The following CCNY variants were observed in gnomAD, a reference collection of about 807,000 sequenced individuals.
CCNY encodes cyclin-Y.
Under a neutral mutation model 42.8 loss-of-function variants are expected in CCNY, and 19 were observed. The observed-to-expected ratio is 0.44, with a 90% CI of 0.31 to 0.65. CCNY has a LOEUF of 0.65. CCNY is among the 30% of genes least tolerant of loss of function. The pLI, the probability that CCNY is intolerant of heterozygous loss-of-function variation, is 0.07. For synonymous variants in CCNY, 165 were observed against 162.7 expected, an observed-to-expected ratio of 1.01 and a Z score of -0.11; for missense variants, 370 against 437.3, an observed-to-expected ratio of 0.85 and a Z score of 1.37.
chr10:35,558,478 C>T (rs766202229), intron 8 of CCNY, among the ~76,000 whole-genome samples: 3 of 152,172 alleles, frequency 2.0e-5, no homozygotes, highest in African/African-American at 2.4e-5. Context: ...TCCAGAGTCC[C>T]GCTGAGTCCT....
intron 3 of CCNY, chr10:35,320,823 A>G: frequency 6.6e-6 from 1 of 152,324 alleles, no homozygotes; most frequent in South Asian, 2.1e-4. Context: ...GGAAATTTAA[A>G]TAAAATATTT....
At position 35,362,439 on chromosome 10, in the gene CCNY, C is replaced by A. The variant is rs111663591; in HGVS notation, c.154+25232C>A. ...GGCAGTAGGAAAGTCCTCCAGGTGA[C>A]AAAGTACAGGATGTATTTGGGTCTT... On this transcript the variant is annotated intron_variant, in intron 1 of 9. Coordinates refer to ENST00000374704, the MANE Select transcript of CCNY (RefSeq NM_145012.6). 3.6e-3 allele frequency among the ~76,000 whole-genome samples: 547 copies of A among 152,176 alleles called. 4 individuals are homozygous for A. The highest frequency in any genetic ancestry group is 0.012 in the African/African-American group (514 of 41,510).
intron 9 of CCNY, 133 bp downstream of exon 9, chr10:35,566,318 A>G (rs990685512): frequency 4.5e-6 from 4 of 893,472 alleles, no homozygotes; most frequent in Non-Finnish European, 6.7e-6. Context: ...ACTAGGATAT[A>G]TAGCTGGGCA....
At chr10:35,422,664 A>T in intron 1 of CCNY, among the ~76,000 whole-genome samples, 1 of 152,248 alleles carries the variant, frequency 6.6e-6, no homozygotes, top group East Asian at 1.9e-4. Context: ...CCAAGAAGAG[A>T]GGTCTCTTAA....
At chr10:35,490,108 A>G (rs1042846064) in intron 2 of CCNY, among the ~76,000 whole-genome samples, 2 of 152,168 alleles carry the variant, frequency 1.3e-5, no homozygotes, top group African/African-American at 4.8e-5. Context: ...TGCCAGGCCC[A>G]TAGAAAGAAC....
intron 1 of CCNY, among the ~76,000 whole-genome samples, chr10:35,414,611 T>C (rs1382573128): frequency 6.6e-6 from 1 of 152,172 alleles, no homozygotes; most frequent in African/African-American, 2.4e-5. Context: ...GCGGGAATCA[T>C]TGGGTGGGTG....
In CCNY at chr10:35,569,503, G is replaced by A; in HGVS notation, c.*333G>A. ...GCCCGGCCCTCTGGAGTCCCCATGG[G>A]GGCGGTAGCTGAAGTTGGCGAGCGC... On this transcript the variant is annotated 3_prime_UTR_variant, in exon 10 of 10. Transcript: ENST00000374704. 1 of 329,152 alleles carries A rather than the reference G, an allele frequency of 3.0e-6. No individual in the cohort carries two copies. Among genetic ancestry groups the A allele is most frequent in the Non-Finnish European group, 5.8e-6 (1 of 172,892 alleles). The allele number at this position is 329,152 out of a possible 1,614,324, so 20.4% of individuals were successfully genotyped here.
At chr10:35,408,332 T>C (rs1320831729) in intron 1 of CCNY, among the ~76,000 whole-genome samples, 1 of 152,198 alleles carries the variant, frequency 6.6e-6, no homozygotes, top group African/African-American at 2.4e-5. Flanking sequence ...CAAAACAGGC[T>C]TTGTGTGAGC....
chr10:35,538,269 C>A (rs966671128), intron 7 of CCNY, among the ~76,000 whole-genome samples: 1 of 152,152 alleles, frequency 6.6e-6, no homozygotes, highest in Non-Finnish European at 1.5e-5. Flanking sequence ...TTTTCAGCAG[C>A]ATGAAAATGG....
rs1222705332 is a variant in CCNY at position 35,304,299 on chromosome 10, T to TA, written c.-9+53673_-9+53674insA. Among the ~76,000 whole-genome samples the TA allele has an allele frequency of 1.1e-4, 6 of 52,262 alleles. 2 individuals are homozygous for TA. In the Middle Eastern group the frequency reaches 0.026, roughly 229 times the overall value. The allele number at this position is 52,262 out of a possible 152,430, so 34.3% of individuals were successfully genotyped here. ...AAAGGCTTTTTTCTCCTTTTATTTTTTTTTTTTTTTTATTTTTTATTTTTT... is the reference window on the plus strand; with the variant it reads ...AAAGGCTTTTTTCTCCTTTTATTTTTATTTTTTTTTTTATTTTTTATTTTTT... On this transcript the variant is annotated intron_variant, in intron 3 of 11. Coordinates refer to the CCNY transcript ENST00000374706.
chr10:35,551,774 A>G lies in CCNY; in HGVS notation c.580-1245A>G, dbSNP rs188662668. On this transcript the variant is annotated intron_variant, in intron 7 of 9. Transcript: ENST00000374704. ...CTGTATTACTTGGTTTTATTTTCCA[A>G]TCATTTTAATGATTTAAAAATAGGT... Among the ~76,000 whole-genome samples, 14 of 152,334 alleles carry G rather than the reference A, an allele frequency of 9.2e-5. No individual in the cohort carries two copies. The East Asian group carries it at 2.1e-3, about 23-fold the overall frequency.
chr10:35,247,766 C>T (rs1291425002), intron 1 of CCNY, among the ~76,000 whole-genome samples: 2 of 147,884 alleles, frequency 1.4e-5, no homozygotes, highest in East Asian at 4.0e-4. Flanking sequence ...GTCCCAGCTA[C>T]TCGGGAGGCT....
chr10:35,335,563 G>GAA (rs200622881), upstream of CCNY, among the ~76,000 whole-genome samples: 31 of 149,296 alleles, frequency 2.1e-4, no homozygotes, highest in Non-Finnish European at 3.4e-4. Flanking sequence ...TAAATGCTTA[G>GAA]AAAAAAAAAA....
At chr10:35,335,287 A>C (rs1835999809), upstream of CCNY, among the ~76,000 whole-genome samples, 1 of 152,148 alleles carries the variant, frequency 6.6e-6, no homozygotes. Context: ...AACTGGCCTA[A>C]GTTAACTTGT....
rs1362943750 is a variant in CCNY at position 35,277,769 on chromosome 10, T to A, written c.-9+27143T>A. 2.0e-5 allele frequency among the ~76,000 whole-genome samples: 3 copies of A among 152,022 alleles called. No homozygotes were observed. The East Asian group carries it at 5.8e-4, about 29-fold the overall frequency. On this transcript the variant is annotated intron_variant, in intron 3 of 11. Transcript: ENST00000374706. ...AGTCCTTCCTGTCACAGAGCTCACA[T>A]TTGTATGTTGCGGGCTGGGCCATGG...
At chr10:35,319,032 G>A (rs1180181633) in intron 3 of CCNY, among the ~76,000 whole-genome samples, 1 of 152,040 alleles carries the variant, frequency 6.6e-6, no homozygotes, top group South Asian at 2.1e-4. Context: ...GCGGGATCAC[G>A]GCTCACCGAA....
intron 2 of CCNY, among the ~76,000 whole-genome samples, chr10:35,492,844 A>G (rs1391166913): frequency 2.0e-5 from 3 of 152,190 alleles, no homozygotes; most frequent in Non-Finnish European, 4.4e-5. Context: ...AAAACGACAC[A>G]TCCATTATTT....
chr10:35,565,926 C>A, intron 8 of CCNY, 97 bp from the exon 9 acceptor site: 1 of 1,194,486 alleles, frequency 8.4e-7, no homozygotes, highest in Non-Finnish European at 1.2e-6. Flanking sequence ...CTGGAGGATG[C>A]AGTTTTCTGG....
chr10:35,521,746 C>G (rs1345412786), intron 4 of CCNY, among the ~76,000 whole-genome samples: 1 of 152,134 alleles, frequency 6.6e-6, no homozygotes, highest in African/African-American at 2.4e-5. Flanking sequence ...CCCTGCTTTC[C>G]AGGGGCCGGA....
Sources: gnomAD v4.1 joint callset for allele counts (sites outside exome capture counted in the v4.1 genomes callset) on GRCh38, gnomAD v4.1.1 for gene constraint, MANE v1.5 for transcripts, NCBI Gene and HGNC (gene_info 2026-07-23, HGNC 2026-07-21) for gene names.